The following SH3GL2 variants were observed in gnomAD, a reference collection of about 807,000 sequenced individuals.
SH3GL2 encodes endophilin-A1.
Under a neutral mutation model 46.0 loss-of-function variants are expected in SH3GL2, and 24 were observed. The ratio of observed to expected loss-of-function variants is 0.52; its 90% CI spans 0.38 to 0.73. The LOEUF (loss-of-function observed/expected upper bound fraction) is 0.73. SH3GL2 is among the 30% of genes least tolerant of loss of function. The pLI is 0.00. For missense variants in SH3GL2, 413 were observed against 424.2 expected, an observed-to-expected ratio of 0.97 and a Z score of 0.23; for synonymous variants, 196 against 147.1, an observed-to-expected ratio of 1.33 and a Z score of -2.40.
intron 3 of SH3GL2, among the ~76,000 whole-genome samples, chr9:17,765,338 T>C (rs9406698): frequency 0.79 from 91,471 of 116,430 alleles, 35,956 homozygotes; most frequent in East Asian, 0.92. Flanking sequence ...TTACTGCTCC[T>C]GGGTGCTTGC....
chr9:17,794,100 A>C (rs1407378559), intron 8 of SH3GL2, among the ~76,000 whole-genome samples: 3 of 152,228 alleles, frequency 2.0e-5, no homozygotes, highest in Admixed American at 6.5e-5. Flanking sequence ...GGGTTGATAT[A>C]ATAAAAGCTA....
At chr9:17,698,018 T>C (rs775276345) in intron 1 of SH3GL2, among the ~76,000 whole-genome samples, 1 of 152,190 alleles carries the variant, frequency 6.6e-6, no homozygotes, top group Admixed American at 6.5e-5. Flanking sequence ...CATTCCTAAT[T>C]TTTTCCTGTA....
At chr9:17,724,689 C>A (rs1821979970) in intron 1 of SH3GL2, among the ~76,000 whole-genome samples, 1 of 152,160 alleles carries the variant, frequency 6.6e-6, no homozygotes, top group Non-Finnish European at 1.5e-5. Context: ...TCTCCCTCTT[C>A]TAGGGAAAGT....
rs79724786 is a variant in SH3GL2 at position 17,629,707 on chromosome 9, C to T, written c.45+50420C>T. The stretch of plus-strand genomic sequence containing the variant: ...TTGTCTTATATTCAGAGAACATTTT[C>T]AGATTGCCTTAAGCCTGTTTGTTTC... On this transcript the variant is annotated intron_variant, in intron 1 of 8. Transcript: ENST00000380607. Among the ~76,000 whole-genome samples the T allele has an allele frequency of 5.6e-3, 858 of 152,220 alleles. 7 individuals are homozygous for T. Among genetic ancestry groups the T allele is most frequent in the African/African-American group, 0.02 (829 of 41,530 alleles).
At chr9:17,772,472 C>T (rs1823512789) in intron 3 of SH3GL2, among the ~76,000 whole-genome samples, 1 of 152,128 alleles carries the variant, frequency 6.6e-6, no homozygotes, top group Non-Finnish European at 1.5e-5. Context: ...AAAAGTAAAA[C>T]TCTATCCCCA....
chr9:17,678,382 T>C (rs199664079), intron 1 of SH3GL2, among the ~76,000 whole-genome samples: 7,116 of 152,124 alleles, frequency 0.047, 481 homozygotes, highest in African/African-American at 0.15. Flanking sequence ...TCTCTGATGG[T>C]CAGTGATGAT....
intron 1 of SH3GL2, among the ~76,000 whole-genome samples, chr9:17,661,093 C>T (rs1820200567): frequency 6.6e-6 from 1 of 152,038 alleles, no homozygotes; most frequent in Non-Finnish European, 1.5e-5. Flanking sequence ...ACCTGGGAGG[C>T]AGAGGTTGCA....
At chr9:17,608,336 C>G (rs548911135) in intron 1 of SH3GL2, among the ~76,000 whole-genome samples, 1 of 151,922 alleles carries the variant, frequency 6.6e-6, no homozygotes, top group Non-Finnish European at 1.5e-5. Flanking sequence ...TTAGTAGAGA[C>G]AGGGTTTCAC....
intron 1 of SH3GL2, among the ~76,000 whole-genome samples, chr9:17,724,503 G>A (rs1821974858): frequency 6.6e-6 from 1 of 152,038 alleles, no homozygotes; most frequent in Non-Finnish European, 1.5e-5. Flanking sequence ...GGAAGTGTCT[G>A]TTGCCTGTTT....
chr9:17,587,852 T>C (rs1818410029), intron 1 of SH3GL2, among the ~76,000 whole-genome samples: 1 of 151,426 alleles, frequency 6.6e-6, no homozygotes, highest in Admixed American at 6.6e-5. Flanking sequence ...ACCACTGCAC[T>C]CCAGCCTGAG....
chr9:17,700,386 A>C (rs1429190755), intron 1 of SH3GL2, among the ~76,000 whole-genome samples: 2 of 152,190 alleles, frequency 1.3e-5, no homozygotes, highest in Non-Finnish European at 2.9e-5. Context: ...AGGGTCTTCA[A>C]GCTAAAACTT....
At chr9:17,760,748 A>G (rs1371806393) in intron 2 of SH3GL2, among the ~76,000 whole-genome samples, 1 of 152,202 alleles carries the variant, frequency 6.6e-6, no homozygotes, top group Non-Finnish European at 1.5e-5. Context: ...TGCTGATAAG[A>G]AAAGGATTTC....
chr9:17,713,217 C>G (rs1172563099), intron 1 of SH3GL2, among the ~76,000 whole-genome samples: 1 of 151,474 alleles, frequency 6.6e-6, no homozygotes, highest in Non-Finnish European at 1.5e-5. Flanking sequence ...ATAAACTCCA[C>G]TTATCCCTCT....
At chr9:17,689,768 C>A (rs1458009302) in intron 1 of SH3GL2, among the ~76,000 whole-genome samples, 1 of 152,114 alleles carries the variant, frequency 6.6e-6, no homozygotes, top group Admixed American at 6.6e-5. Flanking sequence ...CCTCTTCTGA[C>A]CTTCCTGATT....
intron 1 of SH3GL2, among the ~76,000 whole-genome samples, chr9:17,657,593 T>G (rs1193091106): frequency 1.3e-5 from 2 of 152,222 alleles, no homozygotes; most frequent in Non-Finnish European, 2.9e-5. Flanking sequence ...AAGGCAGTTA[T>G]GAGGACTAGC....
rs1012329026 is a variant in SH3GL2, at chr9:17,662,867, G to A, written c.45+83580G>A. ...TGGGATTACAGGCATCCGCCACCACGCCCAGCTCATTTTTGTATTTTTTAG... is the reference window on the plus strand; with the variant it reads ...TGGGATTACAGGCATCCGCCACCACACCCAGCTCATTTTTGTATTTTTTAG... On this transcript the variant is annotated intron_variant, in intron 1 of 8. Coordinates refer to ENST00000380607, the MANE Select transcript of SH3GL2 (RefSeq NM_003026.5). Among the ~76,000 whole-genome samples, 9 of 152,102 alleles carry A rather than the reference G, an allele frequency of 5.9e-5. No individual in the cohort carries two copies. In the East Asian group the frequency reaches 1.2e-3, roughly 20 times the overall value.
At chr9:17,758,573 A>AAAAAAAAAAAAAAAAAAAAAAG (rs1823075083) in intron 2 of SH3GL2, among the ~76,000 whole-genome samples, 1 of 123,874 alleles carries the variant, frequency 8.1e-6, no homozygotes, top group Non-Finnish European at 1.6e-5. Flanking sequence ...AAAAAAAAAA[A>AAAAAAAAAAAAAAAAAAAAAAG]AAAAAAAAAA....
intron 1 of SH3GL2, among the ~76,000 whole-genome samples, chr9:17,584,280 C>G (rs1183008806): frequency 6.6e-6 from 1 of 152,086 alleles, no homozygotes; most frequent in Non-Finnish European, 1.5e-5. Flanking sequence ...GCGGGCGGAT[C>G]ACTTGAGGTC....
At position 17,716,441 on chromosome 9, in the gene SH3GL2, C is replaced by G. The variant is rs1345215109; in HGVS notation, c.46-30625C>G. On this transcript the variant is annotated intron_variant, in intron 1 of 8. Coordinates refer to ENST00000380607, the MANE Select transcript of SH3GL2 (RefSeq NM_003026.5). The stretch of plus-strand genomic sequence containing the variant: ...TTTGGTTTATAGCTAAAGCGCCTTG[C>G]TTTGCGCTACTGAGATGAGACCTCT... 3.3e-5 allele frequency among the ~76,000 whole-genome samples: 5 copies of G among 152,280 alleles called. No homozygotes were observed. In the South Asian group the frequency reaches 1.0e-3, roughly 32 times the overall value.
Sources: allele counts gnomAD v4.1 joint callset (sites outside exome capture counted in the v4.1 genomes callset), GRCh38; gene constraint gnomAD v4.1.1; transcripts MANE v1.5; gene names NCBI Gene and HGNC (gene_info 2026-07-23, HGNC 2026-07-21).